Variants in MTUS2 observed in about 807,000 individuals in gnomAD.
MTUS2 encodes the protein microtubule associated scaffold protein 2.
MTUS2 carries 40 observed loss-of-function variants against 114.1 expected under a neutral mutation model. That is an observed-to-expected ratio of 0.35 (90% CI 0.27 to 0.46). The LOEUF (loss-of-function observed/expected upper bound fraction) is 0.46. MTUS2 is among the 20% of genes least tolerant of loss of function. The pLI is 1.00. For missense variants in MTUS2, 1,679 were observed against 1,705.4 expected, an observed-to-expected ratio of 0.98 and a Z score of 0.27; for synonymous variants, 688 against 672.0, an observed-to-expected ratio of 1.02 and a Z score of -0.37.
chr13:28,833,066 A>G (rs1214923015), intron 1 of MTUS2, among the ~76,000 whole-genome samples: 1 of 152,186 alleles, frequency 6.6e-6, no homozygotes, highest in Non-Finnish European at 1.5e-5. Flanking sequence ...AGGAGATTGA[A>G]TTAGTAATCA....
chr13:29,198,832 G>A (rs1566061413), intron 5 of MTUS2, among the ~76,000 whole-genome samples: 1 of 152,022 alleles, frequency 6.6e-6, no homozygotes. Context: ...TGTAGCAATT[G>A]TGAATGGGAG....
intron 2 of MTUS2, among the ~76,000 whole-genome samples, chr13:28,919,657 T>G (rs1880936967): frequency 6.6e-6 from 1 of 152,190 alleles, no homozygotes; most frequent in Admixed American, 6.5e-5. Flanking sequence ...TGAATAAACT[T>G]TCTACCCCTA....
chr13:28,952,809 G>A (rs1168057131), intron 2 of MTUS2, among the ~76,000 whole-genome samples: 3 of 152,084 alleles, frequency 2.0e-5, no homozygotes, highest in Non-Finnish European at 4.4e-5. Flanking sequence ...ACTGTTCCAT[G>A]GTATGGACCT....
intron 2 of MTUS2, among the ~76,000 whole-genome samples, chr13:28,997,820 A>C (rs9506069): frequency 0.54 from 80,948 of 149,510 alleles, 21,954 homozygotes; most frequent in East Asian, 0.72. Flanking sequence ...ATACAGCACA[A>C]TGATGGGTCT....
At chr13:29,141,753 G>A (rs771862805) in intron 5 of MTUS2, among the ~76,000 whole-genome samples, 1 of 152,114 alleles carries the variant, frequency 6.6e-6, no homozygotes, top group Non-Finnish European at 1.5e-5. Context: ...CATAAAATTT[G>A]TGCAAAACAC....
At chr13:29,282,340 A>G (rs531063270) in intron 6 of MTUS2, among the ~76,000 whole-genome samples, 1 of 152,278 alleles carries the variant, frequency 6.6e-6, no homozygotes, top group South Asian at 2.1e-4. Context: ...CACTACTCCC[A>G]TGGTAGGGTT....
At chr13:29,175,233 T>C (rs1405476812) in intron 5 of MTUS2, among the ~76,000 whole-genome samples, 1 of 152,162 alleles carries the variant, frequency 6.6e-6, no homozygotes, top group African/African-American at 2.4e-5. Context: ...CTTTAAATAA[T>C]GAAAGATAAA....
At chr13:29,332,617 T>C (rs1166539342) in intron 7 of MTUS2, among the ~76,000 whole-genome samples, 4 of 148,450 alleles carry the variant, frequency 2.7e-5, no homozygotes, top group East Asian at 2.0e-4. Flanking sequence ...ATTTGTTTGC[T>C]CTTGCTTCTC....
intron 5 of MTUS2, among the ~76,000 whole-genome samples, chr13:29,179,471 TG>T (rs1444926346): frequency 6.6e-6 from 1 of 152,042 alleles, no homozygotes; most frequent in African/African-American, 2.4e-5. Context: ...ACAGCAACAG[TG>T]GTAATATGGA....
At chr13:29,498,656 A>C in intron 14 of MTUS2, 119 bp downstream of exon 14, 1 of 1,363,160 alleles carries the variant, frequency 7.3e-7, no homozygotes, top group African/African-American at 1.4e-5. Context: ...GCTTACACCC[A>C]AGCAGAAAAT....
At chr13:29,078,503 A>G (rs182316322) in intron 4 of MTUS2, among the ~76,000 whole-genome samples, 1 of 152,222 alleles carries the variant, frequency 6.6e-6, no homozygotes, top group East Asian at 1.9e-4. Context: ...TAATTCGTGT[A>G]CTATATGCAA....
At chr13:29,459,966 A>G (rs1392843335) in intron 9 of MTUS2, among the ~76,000 whole-genome samples, 1 of 152,138 alleles carries the variant, frequency 6.6e-6, no homozygotes, top group African/African-American at 2.4e-5. Flanking sequence ...CAAGTCCACC[A>G]TCCCCTCTGT....
intron 4 of MTUS2, among the ~76,000 whole-genome samples, chr13:29,074,552 G>A (rs1045446673): frequency 2.6e-5 from 4 of 152,130 alleles, no homozygotes; most frequent in African/African-American, 4.8e-5. Flanking sequence ...GAAGGCAGAG[G>A]ATATGTCTTC....
chr13:29,227,608 C>T (rs1260788731), intron 5 of MTUS2, among the ~76,000 whole-genome samples: 1 of 152,202 alleles, frequency 6.6e-6, no homozygotes, highest in African/African-American at 2.4e-5. Flanking sequence ...CATGGGTTGG[C>T]ATTCTTTCCT....
intron 7 of MTUS2, among the ~76,000 whole-genome samples, chr13:29,356,796 T>C (rs1450858430): frequency 1.3e-5 from 2 of 152,228 alleles, no homozygotes; most frequent in Non-Finnish European, 2.9e-5. Flanking sequence ...TTCTCAGCTT[T>C]TTCTTCCTAA....
chr13:29,137,674 T>C (rs1353194539), intron 5 of MTUS2, among the ~76,000 whole-genome samples: 2 of 151,998 alleles, frequency 1.3e-5, no homozygotes, highest in Non-Finnish European at 2.9e-5. Context: ...TGGAGTACAG[T>C]GGCGTGATCT....
At chr13:28,990,380 A>C (rs1486480650) in intron 2 of MTUS2, among the ~76,000 whole-genome samples, 1 of 152,162 alleles carries the variant, frequency 6.6e-6, no homozygotes, top group Non-Finnish European at 1.5e-5. Context: ...AGCTGGACTT[A>C]CTGGGTGTAG....
intron 4 of MTUS2, among the ~76,000 whole-genome samples, chr13:29,058,204 C>G (rs1226144048): frequency 1.2e-5 from 1 of 85,900 alleles, no homozygotes; most frequent in African/African-American, 3.7e-5. Context: ...CTGCCTTTAA[C>G]ATTTTTTTTT....
chr13:28,902,486 A>G (rs1879703205), intron 2 of MTUS2, among the ~76,000 whole-genome samples: 1 of 152,106 alleles, frequency 6.6e-6, no homozygotes, highest in Non-Finnish European at 1.5e-5. Flanking sequence ...TCATTCTTGA[A>G]CAAGTTAAGG....
Sources: allele counts gnomAD v4.1 joint callset (sites outside exome capture counted in the v4.1 genomes callset), GRCh38; gene constraint gnomAD v4.1.1; transcripts MANE v1.5; gene names NCBI Gene and HGNC (gene_info 2026-07-23, HGNC 2026-07-21).